KMT2E: variants seen among roughly 807,000 people sequenced by gnomAD.
KMT2E encodes the protein histone reader KMT2E.
In KMT2E, 30 loss-of-function variants were observed where a neutral mutation model predicts 184.6. That is an observed-to-expected ratio of 0.16 (90% CI 0.12 to 0.22). The LOEUF is 0.22. KMT2E is among the 10% of genes least tolerant of loss of function. The pLI is 1.00. For synonymous variants in KMT2E, 815 were observed against 776.5 expected (o/e 1.05, Z -0.82); for missense variants, 2,023 against 2,237.4 (o/e 0.90, Z 1.93).
At position 105,070,786 on chromosome 7, in the gene KMT2E, C is replaced by T. The variant is rs1797252588; in HGVS notation, c.498-2833C>T. Among the ~76,000 whole-genome samples the T allele has an allele frequency of 2.0e-5, 3 of 151,684 alleles. No homozygotes were observed. In the South Asian group the frequency reaches 6.2e-4, roughly 31 times the overall value. Reference sequence around the variant, plus strand: ...TATGATTGTGCCACTGCACTCCAGCCTGGGCAACAGAGGGAGACCCTGTCT... The same window carrying T: ...TATGATTGTGCCACTGCACTCCAGCTTGGGCAACAGAGGGAGACCCTGTCT... On this transcript the variant is annotated intron_variant, in intron 6 of 26. Coordinates refer to ENST00000311117, the MANE Select transcript of KMT2E (RefSeq NM_182931.3).
At position 105,064,173 on chromosome 7, in the gene KMT2E, T is replaced by TTTTTG. The variant is rs1488766373; in HGVS notation, c.416+597_416+598insGTTTT. 1.4e-5 allele frequency: 4 copies of TTTTTG among 287,962 alleles called. No homozygotes were observed. In the East Asian group the frequency reaches 4.2e-4, roughly 30 times the overall value. 17.8% of individuals were successfully genotyped at this position (287,962 alleles called of 1,614,324 possible). ...TCATTTTTTTTTCTTGGTTTTTTTT[T>TTTTTG]TTTTTTTTTTTTTTTTTTTGACTGG... On this transcript the variant is annotated intron_variant, in intron 5 of 26. Transcript: ENST00000311117.
In KMT2E at chr7:105,014,243, C is replaced by G. The variant is rs1039514642; in HGVS notation, c.-481C>G. 1 of 186,226 alleles carries G rather than the reference C, an allele frequency of 5.4e-6. No individual in the cohort carries two copies. Among genetic ancestry groups the G allele is most frequent in the Non-Finnish European group, 1.1e-5 (1 of 93,092 alleles). 11.5% of individuals were successfully genotyped at this position (186,226 alleles called of 1,614,324 possible). A position where few individuals can be genotyped will look rare whatever the true frequency, so the allele number is the denominator to read the frequency against. Reference sequence around the variant, plus strand: ...GTGACACTGAGCGGGCGCAGGGGGCCGAGTCGGAGACCGTGCCGGAGTTCG... The same window carrying G: ...GTGACACTGAGCGGGCGCAGGGGGCGGAGTCGGAGACCGTGCCGGAGTTCG... On this transcript the variant is annotated 5_prime_UTR_variant, in exon 1 of 27. Transcript: ENST00000311117.
chr7:105,093,042 A>C (rs899703911), intron 15 of KMT2E, among the ~76,000 whole-genome samples: 1 of 152,110 alleles, frequency 6.6e-6, no homozygotes, highest in African/African-American at 2.4e-5. Flanking sequence ...AAAAAATTTA[A>C]AAATTAGCCA....
chr7:105,102,208 G>A lies in KMT2E; in HGVS notation c.2196+14G>A, dbSNP rs1798684616. The A allele has an allele frequency of 6.4e-7, 1 of 1,568,484 alleles. No individual in the cohort carries two copies. On this transcript the variant is annotated intron_variant, in intron 17 of 26. Coordinates refer to ENST00000311117, the MANE Select transcript of KMT2E (RefSeq NM_182931.3). ...AAAACAAAGAAGGTATGATTCTAAT[G>A]AATGTAAGAACTGTTTTTCTAACAG...
chr7:105,110,113 G>A (rs1799137949), intron 23 of KMT2E, among the ~76,000 whole-genome samples, 167 bp from the exon 24 acceptor site: 1 of 152,096 alleles, frequency 6.6e-6, no homozygotes, highest in South Asian at 2.1e-4. Context: ...GATTACAGGC[G>A]TGAGCCACTG....
chr7:105,097,133 A>G (rs1345624824), intron 15 of KMT2E, among the ~76,000 whole-genome samples: 1 of 152,176 alleles, frequency 6.6e-6, no homozygotes. Context: ...CTCTAGGAAA[A>G]CTTGACTGAC....
intron 1 of KMT2E, among the ~76,000 whole-genome samples, chr7:105,026,428 A>T (rs985681118): frequency 1.3e-5 from 2 of 152,188 alleles, no homozygotes; most frequent in Non-Finnish European, 2.9e-5. Context: ...AATACTATAG[A>T]TTAATTTAGT....
intron 3 of KMT2E, 84 bp from the exon 4 acceptor site, chr7:105,062,080 G>C (rs557819126): frequency 1.2e-6 from 1 of 865,002 alleles, no homozygotes; most frequent in Non-Finnish European, 2.0e-6. Flanking sequence ...TTATTTTGCT[G>C]TAAGTACTTT....
intron 1 of KMT2E, among the ~76,000 whole-genome samples, chr7:105,019,924 T>C (rs1269005598): frequency 6.6e-6 from 1 of 151,976 alleles, no homozygotes; most frequent in Non-Finnish European, 1.5e-5. Flanking sequence ...CTGGCCAACA[T>C]GGTGAAACCC....
At chr7:105,070,429 G>A (rs1444480601) in intron 6 of KMT2E, among the ~76,000 whole-genome samples, 2 of 151,670 alleles carry the variant, frequency 1.3e-5, no homozygotes, top group African/African-American at 2.4e-5. Flanking sequence ...TCAGGAGTTT[G>A]AGACCAGCCT....
In KMT2E at chr7:105,107,764, G is replaced by C; in HGVS notation, c.3307G>C (p.Glu1103Gln). ...LEVGGGFRISESKCLMQDDTR... is the reference protein window; with the variant it reads ...LEVGGGFRISQSKCLMQDDTR... Reference sequence around the variant, plus strand: ...GGTTGGAGGAGGCTTCCGAATAAGTGAGTCAAAGTGCCTGATGCAGGATGA... The same window carrying C: ...GGTTGGAGGAGGCTTCCGAATAAGTCAGTCAAAGTGCCTGATGCAGGATGA... Residue 1103 changes from glutamate to glutamine, a missense_variant, in exon 22 of 27, where the codon GAG (glutamate) becomes CAG (glutamine). Glu to Gln is a conservative substitution (Grantham distance 29). Around this residue, in one of 8 missense-constraint regions of KMT2E, gnomAD observed 1,108 missense variants for 1,050.9 expected, o/e 1.05. Coordinates refer to ENST00000311117, the MANE Select transcript of KMT2E (RefSeq NM_182931.3). 6.2e-7 allele frequency: 1 copy of C among 1,614,124 alleles called. No individual in the cohort carries two copies. The highest frequency in any genetic ancestry group is 8.5e-7 in the Non-Finnish European group (1 of 1,180,010).
Position 105,046,504 on chromosome 7 carries a change from TG to T in KMT2E, c.71+5482del, listed in dbSNP as rs577707196. ...ACGTTGTTTGAGCCAAATATTGCAT[TG>T]AAATTAGCATTTTGGCATAATTTTT... is the stretch of plus-strand genomic sequence containing the variant. On this transcript the variant is annotated intron_variant, in intron 3 of 26. Transcript: ENST00000311117. Among the ~76,000 whole-genome samples, 15 of 152,350 alleles carry T rather than the reference TG, an allele frequency of 9.8e-5. No individual in the cohort carries two copies. In the East Asian group the frequency reaches 2.9e-3, roughly 29 times the overall value.
At chr7:105,023,316 C>T (rs892304556) in intron 1 of KMT2E, among the ~76,000 whole-genome samples, 9 of 145,678 alleles carry the variant, frequency 6.2e-5, no homozygotes, top group African/African-American at 2.1e-4. Flanking sequence ...GCAGGACAAT[C>T]GCTTGAACCT....
intron 3 of KMT2E, among the ~76,000 whole-genome samples, chr7:105,058,517 A>G (rs1291242487): frequency 6.6e-6 from 1 of 152,186 alleles, no homozygotes; most frequent in African/African-American, 2.4e-5. Context: ...GGGAATTTCT[A>G]AAAGAAGCAG....
At chr7:105,101,294 C>A in intron 15 of KMT2E, 131 bp from the exon 16 acceptor site, 1 of 555,830 alleles carries the variant, frequency 1.8e-6, no homozygotes, top group South Asian at 3.8e-5. Context: ...CTCCCCATAT[C>A]CACCAATAAT....
At chr7:105,110,735 A>G (rs1414342219) in intron 25 of KMT2E, 36 bp from the exon 26 acceptor site, 3 of 1,595,474 alleles carry the variant, frequency 1.9e-6, no homozygotes, top group Middle Eastern at 1.7e-4. Flanking sequence ...TTATTGTGTA[A>G]TTTTATACTT....
intron 1 of KMT2E, among the ~76,000 whole-genome samples, chr7:105,016,864 A>T (rs1295825128): frequency 6.6e-6 from 1 of 152,204 alleles, no homozygotes. Flanking sequence ...TAGCCTACGA[A>T]ATAATTAGAG....
At chr7:105,090,851 A>G (rs1185683605) in intron 14 of KMT2E, among the ~76,000 whole-genome samples, 1 of 152,124 alleles carries the variant, frequency 6.6e-6, no homozygotes, top group Non-Finnish European at 1.5e-5. Flanking sequence ...CCTATCTTCT[A>G]GAAATGATTT....
chr7:105,022,844 C>T (rs560749302), intron 1 of KMT2E, among the ~76,000 whole-genome samples: 4 of 151,984 alleles, frequency 2.6e-5, no homozygotes, highest in East Asian at 1.9e-4. Flanking sequence ...GTGGGAGTTT[C>T]GTTTTCTTGT....
Sources: gnomAD v4.1 joint callset for allele counts (sites outside exome capture counted in the v4.1 genomes callset) on GRCh38, gnomAD v4.1.1 for gene constraint, gnomAD v4.1.1 regional missense constraint, MANE v1.5 for transcripts, NCBI Gene and HGNC (gene_info 2026-07-23, HGNC 2026-07-21) for gene names.